Variants in GRID2 observed in about 807,000 individuals in gnomAD.
The protein encoded by GRID2 is glutamate receptor ionotropic, delta-2.
In GRID2, 33 loss-of-function variants were observed where a neutral mutation model predicts 114.8. The observed-to-expected ratio is 0.29, with a 90% CI of 0.22 to 0.38. The LOEUF (loss-of-function observed/expected upper bound fraction) is 0.38. GRID2 is among the 10% of genes least tolerant of loss of function. The pLI is 1.00. For missense variants in GRID2, 1,184 were observed against 1,257.7 expected, an observed-to-expected ratio of 0.94 and a Z score of 0.89; for synonymous variants, 505 against 449.9, an observed-to-expected ratio of 1.12 and a Z score of -1.55.
chr4:93,162,047 A>C (rs1737737357), intron 4 of GRID2, among the ~76,000 whole-genome samples: 1 of 151,772 alleles, frequency 6.6e-6, no homozygotes, highest in Admixed American at 6.6e-5. Flanking sequence ...TCCTAATAAC[A>C]TTTCTTTGGA....
chr4:92,972,325 T>C (rs944510416), intron 2 of GRID2, among the ~76,000 whole-genome samples: 1 of 152,058 alleles, frequency 6.6e-6, no homozygotes, highest in African/African-American at 2.4e-5. Flanking sequence ...CCTATACTTG[T>C]TGGCCATTTC....
At chr4:92,633,290 A>G (rs1730900251) in intron 2 of GRID2, among the ~76,000 whole-genome samples, 1 of 151,716 alleles carries the variant, frequency 6.6e-6, no homozygotes, top group Non-Finnish European at 1.5e-5. Context: ...TGTGAAAGGG[A>G]AAAAAAAACT....
chr4:93,301,224 T>G (rs1754838014), intron 8 of GRID2, among the ~76,000 whole-genome samples: 1 of 152,216 alleles, frequency 6.6e-6, no homozygotes, highest in African/African-American at 2.4e-5. Context: ...ATATTAAATG[T>G]TTAATTGTAA....
intron 2 of GRID2, among the ~76,000 whole-genome samples, chr4:92,851,793 A>G (rs1490317181): frequency 3.3e-5 from 5 of 151,922 alleles, no homozygotes; most frequent in Admixed American, 6.6e-5. Flanking sequence ...GGCCAAAGTA[A>G]CACCTAAGTT....
At chr4:93,517,428 G>A (rs551194259) in intron 13 of GRID2, among the ~76,000 whole-genome samples, 6 of 152,120 alleles carry the variant, frequency 3.9e-5, no homozygotes, top group Admixed American at 3.3e-4. Flanking sequence ...TGTTGATTCA[G>A]TTTTCTGATT....
At chr4:92,446,731 CTT>C (rs1491045171) in intron 1 of GRID2, among the ~76,000 whole-genome samples, 102 of 152,336 alleles carry the variant, frequency 6.7e-4, no homozygotes, top group African/African-American at 2.4e-3. Flanking sequence ...CATAGAGTTA[CTT>C]CTAAGTCTAC....
At chr4:92,825,076 C>T (rs1002065061) in intron 2 of GRID2, among the ~76,000 whole-genome samples, 5 of 152,012 alleles carry the variant, frequency 3.3e-5, no homozygotes, top group Admixed American at 2.0e-4. Context: ...TATATCTGCC[C>T]ATTTAAGAAA....
intron 1 of GRID2, among the ~76,000 whole-genome samples, chr4:92,448,816 TTAAC>T (rs1314471354): frequency 1.3e-5 from 2 of 152,226 alleles, no homozygotes; most frequent in South Asian, 2.1e-4. Context: ...AACATTTTAA[TTAAC>T]AGGAACATGT....
intron 2 of GRID2, among the ~76,000 whole-genome samples, chr4:93,064,922 C>G (rs1235079593): frequency 6.6e-6 from 1 of 151,734 alleles, no homozygotes; most frequent in East Asian, 1.9e-4. Flanking sequence ...TAGATTGTTA[C>G]TTGTTTCCAT....
At chr4:93,510,589 T>G (rs1729067374) in intron 12 of GRID2, among the ~76,000 whole-genome samples, 1 of 152,210 alleles carries the variant, frequency 6.6e-6, no homozygotes, top group African/African-American at 2.4e-5. Context: ...TATGACCATT[T>G]AGTATCATAG....
intron 14 of GRID2, among the ~76,000 whole-genome samples, chr4:93,693,988 A>G (rs1187056354): frequency 2.0e-5 from 3 of 152,306 alleles, no homozygotes; most frequent in East Asian, 3.9e-4. Flanking sequence ...CTGTAAATCA[A>G]GGCTGGATAT....
intron 1 of GRID2, among the ~76,000 whole-genome samples, chr4:92,353,788 A>G (rs1409372648): frequency 6.6e-6 from 1 of 151,914 alleles, no homozygotes. Context: ...TTGTTTTGTC[A>G]TTTCTCAACA....
chr4:93,202,847 T>A (rs1260957235), intron 4 of GRID2, among the ~76,000 whole-genome samples: 1 of 152,132 alleles, frequency 6.6e-6, no homozygotes, highest in Non-Finnish European at 1.5e-5. Flanking sequence ...TTATCACTGC[T>A]TTTTCTCCTT....
rs1027467706 is a variant in GRID2, at chr4:93,512,964, G to A, written c.1998-2252G>A. 3.3e-5 allele frequency among the ~76,000 whole-genome samples: 5 copies of A among 152,096 alleles called. 1 individual carries two copies. Among genetic ancestry groups the A allele is most frequent in the South Asian group, 2.1e-4 (1 of 4,808 alleles). On this transcript the variant is annotated intron_variant, in intron 12 of 15. Coordinates refer to ENST00000282020, the MANE Select transcript of GRID2 (RefSeq NM_001510.4). ...CAGCATTTAGCCAGGGTGACTATTT[G>A]GGCAACCCATTTATATATTTAAATG... is the stretch of plus-strand genomic sequence containing the variant.
At position 92,650,036 on chromosome 4, in the gene GRID2, A is replaced by G. The variant is rs1411012343; in HGVS notation, c.244+59750A>G. On this transcript the variant is annotated intron_variant, in intron 2 of 15. Coordinates refer to ENST00000282020, the MANE Select transcript of GRID2 (RefSeq NM_001510.4). ...CACACCATTGTACATTTGAAAAATCATAAGTTGAACCATCATAAGCTGGGG... is the reference window on the plus strand; with the variant it reads ...CACACCATTGTACATTTGAAAAATCGTAAGTTGAACCATCATAAGCTGGGG... 3.3e-5 allele frequency among the ~76,000 whole-genome samples: 5 copies of G among 152,184 alleles called. No individual in the cohort carries two copies. In the East Asian group the frequency reaches 9.7e-4, roughly 29 times the overall value.
intron 2 of GRID2, among the ~76,000 whole-genome samples, chr4:92,945,383 GT>G (rs771032477): frequency 1.1e-4 from 17 of 150,700 alleles, no homozygotes; most frequent in Middle Eastern, 3.4e-3. Context: ...TAAATAAGCT[GT>G]TTTTTTTTCC....
chr4:93,587,953 C>T (rs1014116728), intron 13 of GRID2, among the ~76,000 whole-genome samples: 1 of 151,892 alleles, frequency 6.6e-6, no homozygotes. Context: ...TTAGATAAAC[C>T]CAGGGATGAT....
chr4:93,592,987 C>A (rs1165557616), intron 13 of GRID2, among the ~76,000 whole-genome samples: 1 of 151,544 alleles, frequency 6.6e-6, no homozygotes, highest in Non-Finnish European at 1.5e-5. Flanking sequence ...ATACAGCACA[C>A]TGATGGGTCT....
chr4:92,956,278 G>A (rs1752403954), intron 2 of GRID2, among the ~76,000 whole-genome samples: 1 of 152,076 alleles, frequency 6.6e-6, no homozygotes, highest in African/African-American at 2.4e-5. Flanking sequence ...CTCACTTTTG[G>A]TCTTATTGAG....
Sources: gnomAD v4.1 joint callset for allele counts (sites outside exome capture counted in the v4.1 genomes callset) on GRCh38, gnomAD v4.1.1 for gene constraint, MANE v1.5 for transcripts, NCBI Gene and HGNC (gene_info 2026-07-23, HGNC 2026-07-21) for gene names.